The following GTPBP10 variants were observed in gnomAD, a reference collection of about 807,000 sequenced individuals.
GTPBP10 encodes GTP-binding protein 10.
A neutral mutation model predicts 44.8 loss-of-function variants in GTPBP10; 38 were observed. The ratio of observed to expected loss-of-function variants is 0.85; its 90% confidence interval spans 0.65 to 1.11. GTPBP10 has a LOEUF of 1.11. Ranked by LOEUF, GTPBP10 falls within the 50% of genes most tolerant of loss-of-function variation. The pLI is 0.00. For missense variants in GTPBP10, 462 were observed against 453.7 expected, an observed-to-expected ratio of 1.02 and a Z score of -0.17; for synonymous variants, 152 against 150.6, an observed-to-expected ratio of 1.01 and a Z score of -0.07.
At position 90,385,498 on chromosome 7, in the gene GTPBP10, G is replaced by C. The variant is rs1475374033; in HGVS notation, c.*344G>C. ...AAAGTCACTGAGTAAATTTTAAGTG[G>C]TTTTTCCAAAAAAGCACATAAGGTA... On this transcript the variant is annotated 3_prime_UTR_variant, in exon 10 of 10. Transcript: ENST00000222511. 5.9e-6 allele frequency: 1 copy of C among 170,104 alleles called. No homozygotes were observed. Among genetic ancestry groups the C allele is most frequent in the East Asian group, 1.6e-4 (1 of 6,246 alleles). The allele number at this position is 170,104 out of a possible 1,614,324, so 10.5% of individuals were successfully genotyped here.
At position 90,377,337 on chromosome 7, in the gene GTPBP10, C is replaced by A. The variant is rs28947514; in HGVS notation, c.592-170C>A. 2.0e-5 allele frequency among the ~76,000 whole-genome samples: 3 copies of A among 152,174 alleles called. No individual in the cohort carries two copies. In the East Asian group the frequency reaches 5.8e-4, roughly 29 times the overall value. On this transcript the variant is annotated intron_variant, in intron 6 of 9. Transcript: ENST00000222511. ...AATATCTGATAACAAAATTTTAATTCTTAATACTGTACATTAATTTTACTC... is the reference window on the plus strand; with the variant it reads ...AATATCTGATAACAAAATTTTAATTATTAATACTGTACATTAATTTTACTC...
chr7:90,363,902 T>C (rs758458111), intron 4 of GTPBP10, among the ~76,000 whole-genome samples: 7 of 152,262 alleles, frequency 4.6e-5, no homozygotes, highest in Non-Finnish European at 5.9e-5. Flanking sequence ...CAGTCACTGA[T>C]ACCCTTTCTT....
At chr7:90,350,150 A>G (rs926568270) in intron 1 of GTPBP10, among the ~76,000 whole-genome samples, 2 of 152,012 alleles carry the variant, frequency 1.3e-5, no homozygotes, top group East Asian at 1.9e-4. Flanking sequence ...GTTCCCACCT[A>G]TGAGTGAGAA....
intron 4 of GTPBP10, among the ~76,000 whole-genome samples, chr7:90,364,119 C>G (rs1796083876): frequency 6.6e-6 from 1 of 152,202 alleles, no homozygotes; most frequent in South Asian, 2.1e-4. Flanking sequence ...TCATCTGAAG[C>G]CTTCTTCTCT....
At chr7:90,381,458 A>G (rs1248513195) in intron 8 of GTPBP10, among the ~76,000 whole-genome samples, 2 of 152,150 alleles carry the variant, frequency 1.3e-5, no homozygotes, top group African/African-American at 2.4e-5. Flanking sequence ...CAGGTTCTTT[A>G]TCCATTTTTA....
intron 1 of GTPBP10, 26 bp from the exon 2 acceptor site, chr7:90,352,790 A>G (rs760962164): frequency 5.8e-6 from 9 of 1,557,340 alleles, no homozygotes; most frequent in Non-Finnish European, 1.7e-6. Flanking sequence ...TTGGTATACA[A>G]ATATTCTTTC....
chr7:90,378,360 T>C, intron 8 of GTPBP10, 149 bp downstream of exon 8: 1 of 1,055,342 alleles, frequency 9.5e-7, no homozygotes, highest in Non-Finnish European at 1.3e-6. Context: ...TGTCTCCATT[T>C]CCTCTACATT....
intron 8 of GTPBP10, among the ~76,000 whole-genome samples, chr7:90,382,101 C>T (rs1317390201): frequency 6.6e-6 from 1 of 151,964 alleles, no homozygotes; most frequent in Non-Finnish European, 1.5e-5. Flanking sequence ...AAGGAACAGT[C>T]AGCAGAGTGA....
Position 90,378,121 on chromosome 7 carries a change from C to T in GTPBP10, c.700-13C>T. 6.2e-7 allele frequency: 1 copy of T among 1,606,560 alleles called. No homozygotes were observed. The highest frequency in any genetic ancestry group is 8.5e-7 in the Non-Finnish European group (1 of 1,174,422). ...TATGTTAAAGGCTGTCTCTTTCCTT[C>T]TCTTTTTTTTAGGTTGATATTTCTG... On this transcript the variant is annotated splice_polypyrimidine_tract_variant and intron_variant, in intron 7 of 9. Coordinates refer to ENST00000222511, the MANE Select transcript of GTPBP10 (RefSeq NM_033107.4).
At chr7:90,384,303 C>T (rs1796485119) in intron 9 of GTPBP10, among the ~76,000 whole-genome samples, 1 of 152,146 alleles carries the variant, frequency 6.6e-6, no homozygotes, top group Non-Finnish European at 1.5e-5. Context: ...GCCATCTCCC[C>T]AGCCAATCAG....
chr7:90,348,418 T>C (rs17867622), intron 1 of GTPBP10, among the ~76,000 whole-genome samples: 43,100 of 152,054 alleles, frequency 0.28, 6,992 homozygotes, highest in East Asian at 0.66. Context: ...AGTTGACACA[T>C]ATAAAATATA....
chr7:90,351,055 T>G (rs1369057993), intron 1 of GTPBP10, among the ~76,000 whole-genome samples: 1 of 152,210 alleles, frequency 6.6e-6, no homozygotes, highest in African/African-American at 2.4e-5. Context: ...GGGGAGACGA[T>G]TAGCATCACA....
chr7:90,363,336 A>G (rs1180746198), intron 4 of GTPBP10, among the ~76,000 whole-genome samples: 3 of 152,150 alleles, frequency 2.0e-5, no homozygotes, highest in African/African-American at 7.2e-5. Context: ...GCTGGTGTTG[A>G]CAAAATCTCT....
intron 4 of GTPBP10, among the ~76,000 whole-genome samples, chr7:90,367,811 G>A (rs1172441504): frequency 6.6e-6 from 1 of 152,178 alleles, no homozygotes. Context: ...GTGTAAATTT[G>A]ATCCTGCCAT....
At chr7:90,379,224 CTT>C (rs1161543070) in intron 8 of GTPBP10, among the ~76,000 whole-genome samples, 1 of 152,162 alleles carries the variant, frequency 6.6e-6, no homozygotes, top group East Asian at 1.9e-4. Flanking sequence ...ATCCTCTTGT[CTT>C]TATCTACGCT....
In GTPBP10 at chr7:90,352,802, CTTT is replaced by C. The variant is rs756877671; in HGVS notation, c.34-6_34-4del. On this transcript the variant is annotated splice_polypyrimidine_tract_variant and intron_variant, in intron 1 of 9. Coordinates refer to ENST00000222511, the MANE Select transcript of GTPBP10 (RefSeq NM_033107.4). ...CTTTTGGTATACAAATATTCTTTCT[CTTT>C]TTTTTTTAAGTATGGAAATTTCATC... 1.5e-6 allele frequency: 2 copies of C among 1,322,720 alleles called. No individual in the cohort carries two copies. Among genetic ancestry groups the C allele is most frequent in the Admixed American group, 2.2e-5 (1 of 46,202 alleles). The allele number at this position is 1,322,720 out of a possible 1,614,324, so 81.9% of individuals were successfully genotyped here.
intron 4 of GTPBP10, among the ~76,000 whole-genome samples, chr7:90,363,050 C>T (rs1030965156): frequency 6.6e-6 from 1 of 151,922 alleles, no homozygotes; most frequent in South Asian, 2.1e-4. Flanking sequence ...GATGGGTCTC[C>T]TAAATACAGC....
chr7:90,374,705 C>CT (rs1409409601), intron 6 of GTPBP10, among the ~76,000 whole-genome samples: 5 of 151,936 alleles, frequency 3.3e-5, no homozygotes, highest in Non-Finnish European at 7.4e-5. Context: ...TCCAACTTTT[C>CT]TTTTTTTGAG....
At chr7:90,375,879 G>A (rs1230663156) in intron 6 of GTPBP10, among the ~76,000 whole-genome samples, 1 of 151,952 alleles carries the variant, frequency 6.6e-6, no homozygotes, top group East Asian at 1.9e-4. Context: ...TAGGGCCTGG[G>A]CATTTGTAGC....
Sources: gnomAD v4.1 joint callset for allele counts (sites outside exome capture counted in the v4.1 genomes callset) on GRCh38, gnomAD v4.1.1 for gene constraint, MANE v1.5 for transcripts, NCBI Gene and HGNC (gene_info 2026-07-23, HGNC 2026-07-21) for gene names.